Variants in ASB3 observed in about 807,000 individuals in gnomAD.
The protein encoded by ASB3 is ankyrin repeat and SOCS box protein 3.
In ASB3, 41 loss-of-function variants were observed where a neutral mutation model predicts 54.5. The ratio of observed to expected loss-of-function variants is 0.75; its 90% CI spans 0.59 to 0.98. The LOEUF (loss-of-function observed/expected upper bound fraction) is 0.98, where lower values mean the gene tolerates loss of function less well. ASB3 is among the 50% of genes least tolerant of loss of function. ASB3 has a pLI of 0.00. For missense variants in ASB3, 733 were observed against 620.0 expected (o/e 1.18, Z -1.94); for synonymous variants, 266 against 221.2 (o/e 1.20, Z -1.80).
At chr2:53,726,644 A>T (rs1671014037) in intron 5 of ASB3, among the ~76,000 whole-genome samples, 1 of 151,430 alleles carries the variant, frequency 6.6e-6, no homozygotes, top group Admixed American at 6.6e-5. Flanking sequence ...ACATATATAT[A>T]CACACATATA....
At position 53,716,439 on chromosome 2, in the gene ASB3, CACCCA is replaced by C; in HGVS notation, c.782+122_782+126del. 10 of 1,177,630 alleles carry C rather than the reference CACCCA, an allele frequency of 8.5e-6. No homozygotes were observed. In the East Asian group the frequency reaches 1.5e-4, roughly 18 times the overall value. 72.9% of individuals were successfully genotyped at this position (1,177,630 alleles called of 1,614,324 possible). A position where few individuals can be genotyped will look rare whatever the true frequency, so the allele number is the denominator to read the frequency against. The stretch of plus-strand genomic sequence containing the variant: ...AGGACAGATTAGGGGTAGATCTGTT[CACCCA>C]GCAGATTGGTAGGGAAGAGAATATC... On this transcript the variant is annotated intron_variant, in intron 6 of 9. Coordinates refer to ENST00000263634, the MANE Select transcript of ASB3 (RefSeq NM_016115.5).
chr2:53,746,642 C>G (rs1181490428), intron 3 of ASB3, among the ~76,000 whole-genome samples: 2 of 152,036 alleles, frequency 1.3e-5, no homozygotes, highest in Non-Finnish European at 2.9e-5. Context: ...CCACACCCAG[C>G]TAATTTTTTG....
At chr2:53,703,084 T>C (rs1211966131) in intron 7 of ASB3, among the ~76,000 whole-genome samples, 1 of 152,222 alleles carries the variant, frequency 6.6e-6, no homozygotes, top group Non-Finnish European at 1.5e-5. Flanking sequence ...CCAGGTGAGC[T>C]AAGCCACAAT....
chr2:53,764,346 T>C (rs1228466009), intron 2 of ASB3, among the ~76,000 whole-genome samples: 1 of 152,200 alleles, frequency 6.6e-6, no homozygotes, highest in East Asian at 1.9e-4. Context: ...AAAAAGGGCT[T>C]TAGAGTCAGA....
At chr2:53,758,645 G>A (rs1246164773) in intron 2 of ASB3, among the ~76,000 whole-genome samples, 2 of 152,168 alleles carry the variant, frequency 1.3e-5, no homozygotes, top group Non-Finnish European at 2.9e-5. Flanking sequence ...AAGAAAGGTG[G>A]GAAAAGGGGT....
intron 2 of ASB3, among the ~76,000 whole-genome samples, chr2:53,758,961 C>G (rs1672990028): frequency 2.6e-5 from 4 of 152,160 alleles, no homozygotes; most frequent in Non-Finnish European, 5.9e-5. Context: ...ATCAGATAAC[C>G]CTGATGGCTA....
intron 1 of ASB3, among the ~76,000 whole-genome samples, chr2:53,771,109 G>A (rs935226695): frequency 1.3e-5 from 2 of 152,334 alleles, no homozygotes; most frequent in Middle Eastern, 3.4e-3. Flanking sequence ...CTCTGGAGGT[G>A]TGGCCTAACA....
chr2:53,781,295 C>T (rs1674630502), intron 1 of ASB3, among the ~76,000 whole-genome samples: 1 of 151,832 alleles, frequency 6.6e-6, no homozygotes, highest in Non-Finnish European at 1.5e-5. Flanking sequence ...ACCTGTAGTT[C>T]CAGCTACTGA....
At chr2:53,755,663 A>T (rs1672773731) in intron 2 of ASB3, among the ~76,000 whole-genome samples, 1 of 152,248 alleles carries the variant, frequency 6.6e-6, no homozygotes, top group South Asian at 2.1e-4. Flanking sequence ...GAATTGTATT[A>T]TGTGCAAACT....
At chr2:53,785,810 C>G (rs1674942439) in intron 1 of ASB3, among the ~76,000 whole-genome samples, 1 of 152,356 alleles carries the variant, frequency 6.6e-6, no homozygotes, top group Admixed American at 6.5e-5. Flanking sequence ...CCTCTGCACT[C>G]CAGCCTGGGT....
intron 2 of ASB3, among the ~76,000 whole-genome samples, 175 bp from the exon 3 acceptor site, chr2:53,751,116 C>T (rs1369787800): frequency 6.6e-6 from 1 of 152,170 alleles, no homozygotes; most frequent in South Asian, 2.1e-4. Context: ...AGAGATCCCA[C>T]TGTGAACAGC....
intron 2 of ASB3, among the ~76,000 whole-genome samples, chr2:53,757,876 A>T (rs1672923843): frequency 1.3e-5 from 2 of 152,186 alleles, no homozygotes; most frequent in African/African-American, 4.8e-5. Context: ...CCTCTGCAAT[A>T]CAATCTCCAA....
At chr2:53,786,267 T>C (rs1674991060) in intron 1 of ASB3, 1 of 152,140 alleles carries the variant, frequency 6.6e-6, no homozygotes, top group South Asian at 2.1e-4. Flanking sequence ...GCGCTAAACC[T>C]CACATAAGGA....
At chr2:53,764,262 T>G (rs1673310484) in intron 2 of ASB3, among the ~76,000 whole-genome samples, 1 of 152,206 alleles carries the variant, frequency 6.6e-6, no homozygotes, top group African/African-American at 2.4e-5. Flanking sequence ...TGCAGAGTAT[T>G]ATAGTCAACC....
intron 1 of ASB3, among the ~76,000 whole-genome samples, chr2:53,779,890 T>A (rs952714521): frequency 1.3e-5 from 2 of 152,240 alleles, no homozygotes; most frequent in African/African-American, 2.4e-5. Flanking sequence ...GATAAATTGA[T>A]TTCGTCTAAA....
At chr2:53,707,054 A>T (rs1669812871) in intron 7 of ASB3, among the ~76,000 whole-genome samples, 1 of 152,170 alleles carries the variant, frequency 6.6e-6, no homozygotes, top group Admixed American at 6.6e-5. Context: ...CTGGTCTAAA[A>T]ATCAGCTGTA....
chr2:53,768,180 CCCG>C (rs1673627938), intron 1 of ASB3: 1 of 824,714 alleles, frequency 1.2e-6, no homozygotes, highest in African/African-American at 1.7e-5. Context: ...CTGCCACCTG[CCCG>C]CCATCTCTAA....
chr2:53,733,911 T>G (rs193302300), intron 3 of ASB3, among the ~76,000 whole-genome samples: 25 of 152,326 alleles, frequency 1.6e-4, no homozygotes, highest in African/African-American at 5.5e-4. Flanking sequence ...AGATTATAGA[T>G]TAACTAAAAG....
chr2:53,713,912 C>CA (rs1242823271), intron 7 of ASB3, among the ~76,000 whole-genome samples: 85 of 141,428 alleles, frequency 6.0e-4, no homozygotes, highest in African/African-American at 1.4e-3. Context: ...GACCCTGTCT[C>CA]AAAAAAAAAA....
Sources: gnomAD v4.1 joint callset for allele counts (sites outside exome capture counted in the v4.1 genomes callset) on GRCh38, gnomAD v4.1.1 for gene constraint, MANE v1.5 for transcripts, NCBI Gene and HGNC (gene_info 2026-07-23, HGNC 2026-07-21) for gene names.